The following DENND5A variants were observed in gnomAD, a reference collection of about 807,000 sequenced individuals.
The protein encoded by DENND5A is DENN domain-containing protein 5A.
A neutral mutation model predicts 140.3 loss-of-function variants in DENND5A; 64 were observed. The ratio of observed to expected loss-of-function variants is 0.46; its 90% CI spans 0.37 to 0.56. The LOEUF (loss-of-function observed/expected upper bound fraction) is 0.56, where lower values mean the gene tolerates loss of function less well. DENND5A is among the 20% of genes least tolerant of loss of function. The pLI is 0.00. For synonymous variants in DENND5A, 605 were observed against 607.7 expected (o/e 1.00, Z 0.07); for missense variants, 1,292 against 1,593.8 (o/e 0.81, Z 3.22).
chr11:9,204,826 A>G (rs575182076), intron 3 of DENND5A, among the ~76,000 whole-genome samples: 2 of 152,270 alleles, frequency 1.3e-5, no homozygotes, highest in South Asian at 4.1e-4. Flanking sequence ...CATGCACTGC[A>G]CTCCAGCCTG....
chr11:9,165,981 A>G lies in DENND5A; in HGVS notation c.2152-14T>C. ...CTGGATGTACTTCTATATCAAACAG[A>G]AAAATAAAGACCCTTTGTGTCCATG... On this transcript the variant is annotated splice_polypyrimidine_tract_variant and intron_variant, in intron 10 of 22. Transcript: ENST00000328194. The G allele has an allele frequency of 6.2e-7, 1 of 1,613,986 alleles. No homozygotes were observed. The highest frequency in any genetic ancestry group is 8.5e-7 in the Non-Finnish European group (1 of 1,179,880).
rs1418211119 is a variant in DENND5A, at chr11:9,169,934, A to G, written c.2073T>C (p.Asn691=). Residue 691 remains asparagine, a synonymous_variant, in exon 10 of 23, where the codon AAT becomes AAC. Transcript: ENST00000328194. ...CTTTCCGCCTCCACTGGGCAGGGGC[A>G]TTCCTTTTCGTCCACCTAACACAAT... ...GPASNKWTKR[N]APAQWRRKDR... The G allele has an allele frequency of 2.5e-6, 4 of 1,613,294 alleles. No homozygotes were observed. In the Admixed American group the frequency reaches 5.0e-5, roughly 20 times the overall value.
chr11:9,264,394 A>G (rs1233467780), intron 1 of DENND5A, among the ~76,000 whole-genome samples: 10 of 152,052 alleles, frequency 6.6e-5, no homozygotes, highest in African/African-American at 2.4e-4. Context: ...AGGCTAAGGG[A>G]GTTCCTACTC....
chr11:9,151,624 C>A (rs1847618035), intron 13 of DENND5A, among the ~76,000 whole-genome samples: 1 of 152,084 alleles, frequency 6.6e-6, no homozygotes, highest in Non-Finnish European at 1.5e-5. Flanking sequence ...AAACAAATGT[C>A]TGGCAGAGTG....
Position 9,196,902 on chromosome 11 carries a change from C to T in DENND5A, c.950-3221G>A, listed in dbSNP as rs377097152. ...CTGGGATTACAGGCGTGAGCCACCA[C>T]ACCTGGCCTCAAGTTTTATTTTAAT... On this transcript the variant is annotated intron_variant, in intron 4 of 22. Coordinates refer to ENST00000328194, the MANE Select transcript of DENND5A (RefSeq NM_015213.4). 5.9e-5 allele frequency among the ~76,000 whole-genome samples: 9 copies of T among 151,966 alleles called. 1 individual carries two copies. The highest frequency in any genetic ancestry group is 5.8e-4 in the East Asian group (3 of 5,176).
intron 1 of DENND5A, chr11:9,242,532 T>A (rs894720321): frequency 6.6e-6 from 1 of 152,186 alleles, no homozygotes; most frequent in Non-Finnish European, 1.5e-5. Flanking sequence ...TAGAAGACTT[T>A]AGAGACAGGG....
chr11:9,264,993 G>T lies in DENND5A; in HGVS notation c.77C>A (p.Thr26Lys). The part of the protein sequence containing the change: ...ADYFVICGLD[T>K]ETGLEPDELS... ...CTCGTCCGGCTCCAGCCCGGTCTCC[G>T]TGTCCAGTCCGCAGATGACAAAGTA... The change falls in exon 1 of 23, where the codon ACG becomes AAG. Residue 26 changes from threonine (T) to lysine (K), a missense_variant. This residue lies in a region of DENND5A where 566 missense variants were observed against 650.4 expected (regional missense o/e 0.87). Coordinates refer to ENST00000328194, the MANE Select transcript of DENND5A (RefSeq NM_015213.4). The T allele has an allele frequency of 6.3e-7, 1 of 1,589,082 alleles. No homozygotes were observed. Among genetic ancestry groups the T allele is most frequent in the East Asian group, 2.4e-5 (1 of 42,528 alleles).
chr11:9,142,206 G>A (rs1263850755), intron 21 of DENND5A, 98 bp from the exon 22 acceptor site: 1 of 967,220 alleles, frequency 1.0e-6, no homozygotes, highest in Non-Finnish European at 1.5e-6. Flanking sequence ...AGTCCACACA[G>A]GTAACTTAAT....
chr11:9,180,755 TACAC>T lies in DENND5A; in HGVS notation c.1455+8_1455+11del. The T allele has an allele frequency of 6.2e-7, 1 of 1,611,974 alleles. No homozygotes were observed. Among genetic ancestry groups the T allele is most frequent in the Non-Finnish European group, 8.5e-7 (1 of 1,178,748 alleles). On this transcript the variant is annotated splice_region_variant and intron_variant, in intron 6 of 22. Transcript: ENST00000328194. ...AGATCACACGTGTCACAGACTCATA[TACAC>T]ATCTTACCTTTTCCAGGCTCACCCC...
intron 5 of DENND5A, among the ~76,000 whole-genome samples, chr11:9,193,293 G>C (rs540725153): frequency 1.3e-5 from 2 of 152,292 alleles, no homozygotes; most frequent in South Asian, 2.1e-4. Context: ...TATGTCAGTT[G>C]ATAAAGATAA....
chr11:9,217,896 A>C (rs1182886064), intron 1 of DENND5A, among the ~76,000 whole-genome samples: 1 of 152,248 alleles, frequency 6.6e-6, no homozygotes, highest in East Asian at 1.9e-4. Flanking sequence ...ATCACAGATA[A>C]AAGATATGCA....
chr11:9,165,159 C>T lies in DENND5A; in HGVS notation c.2283+677G>A, dbSNP rs1040513423. On this transcript the variant is annotated intron_variant, in intron 11 of 22. Transcript: ENST00000328194. ...GGATTACAGGTGCATGCCACCACGCCCGGCTAAATTTTTTGTGTCTTTAGT... is the reference window on the plus strand; with the variant it reads ...GGATTACAGGTGCATGCCACCACGCTCGGCTAAATTTTTTGTGTCTTTAGT... Among the ~76,000 whole-genome samples the T allele has an allele frequency of 2.0e-5, 3 of 151,982 alleles. No individual in the cohort carries two copies. In the South Asian group the frequency reaches 6.2e-4, roughly 32 times the overall value.
chr11:9,212,547 A>G (rs1031542973), intron 1 of DENND5A, among the ~76,000 whole-genome samples: 2 of 152,174 alleles, frequency 1.3e-5, no homozygotes, highest in Non-Finnish European at 2.9e-5. Context: ...GATACACATT[A>G]TATTCAAGGG....
intron 1 of DENND5A, among the ~76,000 whole-genome samples, chr11:9,215,269 G>A (rs1289293441): frequency 1.3e-5 from 2 of 152,156 alleles, no homozygotes; most frequent in African/African-American, 4.8e-5. Context: ...TCCAACTCAT[G>A]TACCTAGTAT....
intron 1 of DENND5A, among the ~76,000 whole-genome samples, chr11:9,231,180 T>A (rs1850754107): frequency 6.6e-6 from 1 of 152,190 alleles, no homozygotes; most frequent in Non-Finnish European, 1.5e-5. Flanking sequence ...TCTTTAGCCA[T>A]GAAAACAGGA....
At chr11:9,175,442 G>C (rs1848517049) in intron 8 of DENND5A, 1 of 152,178 alleles carries the variant, frequency 6.6e-6, no homozygotes, top group Non-Finnish European at 1.5e-5. Context: ...ATCTTGAAAG[G>C]TTTCTTTGCA....
intron 5 of DENND5A, among the ~76,000 whole-genome samples, chr11:9,192,129 T>C (rs1336369596): frequency 6.6e-6 from 1 of 152,142 alleles, no homozygotes; most frequent in East Asian, 1.9e-4. Flanking sequence ...AAGGAAGACA[T>C]TTTGATTCTA....
chr11:9,184,422 T>C (rs566937972), intron 5 of DENND5A, among the ~76,000 whole-genome samples: 2 of 152,364 alleles, frequency 1.3e-5, no homozygotes, highest in East Asian at 3.9e-4. Flanking sequence ...TTATTACATG[T>C]TTTCTTGGAC....
intron 18 of DENND5A, 28 bp downstream of exon 18, chr11:9,144,967 C>T (rs1222014714): frequency 6.6e-7 from 1 of 1,525,520 alleles, no homozygotes; most frequent in South Asian, 1.1e-5. Context: ...CCTTGCCCCT[C>T]TACCTTACAG....
Sources: allele counts gnomAD v4.1 joint callset (sites outside exome capture counted in the v4.1 genomes callset), GRCh38; gene constraint gnomAD v4.1.1; regional missense constraint gnomAD v4.1.1; transcripts MANE v1.5; gene names NCBI Gene and HGNC (gene_info 2026-07-23, HGNC 2026-07-21).